P2RX5: variants seen among roughly 807,000 people sequenced by gnomAD.
P2RX5 encodes purinergic receptor P2X 5.
In P2RX5, 46 loss-of-function variants were observed where a neutral mutation model predicts 54.1. The ratio of observed to expected loss-of-function variants is 0.85; its 90% CI spans 0.67 to 1.09. P2RX5 has a LOEUF of 1.09. Ranked by LOEUF, P2RX5 falls within the 50% of genes least tolerant of loss-of-function variation. P2RX5 has a pLI of 0.00. For missense variants in P2RX5, 566 were observed against 549.8 expected (o/e 1.03, Z -0.29); for synonymous variants, 226 against 226.4 (o/e 1.00, Z 0.02).
At chr17:3,702,726 C>T in the P2RX5 span, among the ~76,000 whole-genome samples, 1 of 152,178 alleles carries the variant, frequency 6.6e-6, no homozygotes, top group Non-Finnish European at 1.5e-5. Flanking sequence ...ACACTCACCA[C>T]GAGGGTCCAT....
At chr17:3,692,100 T>C (rs921943146) in intron 1 of P2RX5, 66 of 398,734 alleles carry the variant, frequency 1.7e-4, no homozygotes, top group Middle Eastern at 7.6e-4. Flanking sequence ...GTCAGGAGAT[T>C]GAGACCATCC....
chr17:3,688,605 T>G (rs2050515318), intron 8 of P2RX5, 21 bp downstream of exon 8: 3 of 1,613,920 alleles, frequency 1.9e-6, no homozygotes, highest in Non-Finnish European at 1.7e-6. Context: ...AGGTCACAAG[T>G]GGGCACAAGG....
chr17:3,677,907 C>G, intron 11 of P2RX5: 1 of 985,384 alleles, frequency 1.0e-6, no homozygotes, highest in Non-Finnish European at 1.2e-6. Context: ...GGGAGGCTCC[C>G]CTCCTCACTC....
At chr17:3,723,574 G>A in the P2RX5 span, 2 of 1,186,406 alleles carry the variant, frequency 1.7e-6, no homozygotes, top group Non-Finnish European at 2.4e-6. Flanking sequence ...GGAGGGCCTG[G>A]CAGCCCCCGG....
In P2RX5 at chr17:3,689,996, A is replaced by G. The variant is rs369186041; in HGVS notation, c.614+74T>C. ...CGCGCACACACACCCCCAGGCAGAG[A>G]CCCACGGAGGGCCAGCCAAGGCCCC... On this transcript the variant is annotated intron_variant, in intron 6 of 11. Transcript: ENST00000225328. 2.6e-4 allele frequency: 340 copies of G among 1,300,956 alleles called. 1 individual carries two copies. In the Middle Eastern group the frequency reaches 2.9e-3, roughly 11 times the overall value. The allele number at this position is 1,300,956 out of a possible 1,614,324, so 80.6% of individuals were successfully genotyped here.
intron 2 of P2RX5, 39 bp downstream of exon 2, chr17:3,691,605 C>T (rs1429917849): frequency 1.2e-6 from 2 of 1,612,670 alleles, no homozygotes; most frequent in Non-Finnish European, 1.7e-6. Context: ...CCAGGCAGTC[C>T]CTGCCAGCCT....
At chr17:3,689,854 GCACGCACGCACACACGCGAACA>G (rs1215311209) in intron 6 of P2RX5, among the ~76,000 whole-genome samples, 194 bp downstream of exon 6, 107 of 151,904 alleles carry the variant, frequency 7.0e-4, no homozygotes, top group African/African-American at 2.4e-3. Context: ...ACACACGCGT[GCACGCACGCACACACGCGAACA>G]CACGCACACA....
At chr17:3,713,750 C>CAAA in the P2RX5 span, among the ~76,000 whole-genome samples, 11 of 140,930 alleles carry the variant, frequency 7.8e-5, no homozygotes, top group African/African-American at 2.9e-4. Flanking sequence ...AACTCTGTCT[C>CAAA]AAAAAAAAAA....
At chr17:3,674,197 G>A (rs111862518) in intron 11 of P2RX5, among the ~76,000 whole-genome samples, 1,620 of 152,264 alleles carry the variant, frequency 0.011, 20 homozygotes, top group Non-Finnish European at 0.012. Context: ...TGTAGTCCCA[G>A]CTACTCGGGA....
upstream of P2RX5, among the ~76,000 whole-genome samples, chr17:3,696,874 C>T (rs1335677494): frequency 6.6e-6 from 1 of 152,126 alleles, no homozygotes; most frequent in Non-Finnish European, 1.5e-5. Context: ...CCATTCACCT[C>T]GCGCCAGGTC....
rs540356191 is a variant in P2RX5 at position 3,677,407 on chromosome 17, C to T, written c.1259+2183G>A. ...CCTCCCCTTCCCCATCTTACCTAGA[C>T]TCCCCAGGAGCTGGCTTCCCCACTA... On this transcript the variant is annotated intron_variant, in intron 11 of 11. Coordinates refer to ENST00000225328, the MANE Select transcript of P2RX5 (RefSeq NM_002561.4). 3.7e-5 allele frequency: 36 copies of T among 985,430 alleles called. No individual in the cohort carries two copies. In the South Asian group the frequency reaches 1.5e-3, roughly 41 times the overall value. 61.0% of individuals were successfully genotyped at this position (985,430 alleles called of 1,614,324 possible).
the P2RX5 span, among the ~76,000 whole-genome samples, chr17:3,704,035 G>C: frequency 2.6e-5 from 4 of 152,324 alleles, no homozygotes; most frequent in East Asian, 7.7e-4. Flanking sequence ...CCAGGAGGCA[G>C]AGGTTGTGGT....
intron 6 of P2RX5, 41 bp from the exon 7 acceptor site, chr17:3,689,671 T>G: frequency 6.2e-7 from 1 of 1,613,532 alleles, no homozygotes; most frequent in Non-Finnish European, 8.5e-7. Context: ...GAAGTAAGAC[T>G]TGATGTTTCC....
chr17:3,688,986 G>A (rs181531292), intron 7 of P2RX5, among the ~76,000 whole-genome samples: 5 of 152,332 alleles, frequency 3.3e-5, no homozygotes, highest in Admixed American at 2.6e-4. Flanking sequence ...GAAGGGAGCC[G>A]CACAGGGTAG....
chr17:3,701,696 GAA>G, the P2RX5 span, among the ~76,000 whole-genome samples: 12 of 73,410 alleles, frequency 1.6e-4, no homozygotes, highest in African/African-American at 6.4e-4. Context: ...CTCTGTCTCA[GAA>G]AAAAAAAAAA....
At chr17:3,711,612 C>T in the P2RX5 span, among the ~76,000 whole-genome samples, 2 of 152,016 alleles carry the variant, frequency 1.3e-5, no homozygotes. Context: ...AAGCTCCCGA[C>T]CTCAGGTGAT....
the P2RX5 span, chr17:3,720,357 A>G: frequency 6.3e-7 from 1 of 1,589,598 alleles, no homozygotes; most frequent in Non-Finnish European, 8.6e-7. Context: ...GATTTGTTGA[A>G]AGATATTTCA....
chr17:3,701,849 C>T, the P2RX5 span, among the ~76,000 whole-genome samples: 10 of 150,670 alleles, frequency 6.6e-5, no homozygotes, highest in South Asian at 6.4e-4. Flanking sequence ...TCTGCCTCCC[C>T]GGCTCAAGTG....
At chr17:3,696,769 C>T (rs891385631), upstream of P2RX5, among the ~76,000 whole-genome samples, 1 of 152,180 alleles carries the variant, frequency 6.6e-6, no homozygotes, top group African/African-American at 2.4e-5. Context: ...GCAAAACTCC[C>T]CTTTCTCTCG....
Sources: allele counts gnomAD v4.1 joint callset (sites outside exome capture counted in the v4.1 genomes callset), GRCh38; gene constraint gnomAD v4.1.1; transcripts MANE v1.5; gene names NCBI Gene and HGNC (gene_info 2026-07-23, HGNC 2026-07-21).